Variants in MYO5C observed in about 807,000 individuals in gnomAD.
MYO5C encodes the protein myosin VC.
In MYO5C, 194 loss-of-function variants were observed where a neutral mutation model predicts 235.7. The ratio of observed to expected loss-of-function variants is 0.82; its 90% CI spans 0.73 to 0.93. MYO5C has a LOEUF of 0.93. Among genes scored for constraint, MYO5C ranks in the 40% least tolerant of loss-of-function variants. The probability of loss-of-function intolerance (pLI) is 0.00; values close to 1 mark genes in which losing one functional copy is unlikely to be tolerated. For synonymous variants in MYO5C, 707 were observed against 754.8 expected, an observed-to-expected ratio of 0.94 and a Z score of 1.04; for missense variants, 2,038 against 2,127.2, an observed-to-expected ratio of 0.96 and a Z score of 0.82.
At chr15:52,231,016 C>G (rs1476974664) in intron 24 of MYO5C, among the ~76,000 whole-genome samples, 1 of 149,364 alleles carries the variant, frequency 6.7e-6, no homozygotes, top group African/African-American at 2.5e-5. Context: ...TTAGTAGATA[C>G]GGGGTTTCAC....
At chr15:52,255,825 C>T (rs1343331745) in intron 11 of MYO5C, among the ~76,000 whole-genome samples, 1 of 151,878 alleles carries the variant, frequency 6.6e-6, no homozygotes, top group Non-Finnish European at 1.5e-5. Context: ...TAACTTGGTA[C>T]CTGGTATACA....
chr15:52,245,545 A>G (rs1208137744), intron 17 of MYO5C, 80 bp from the exon 18 acceptor site: 5 of 968,904 alleles, frequency 5.2e-6, no homozygotes, highest in Non-Finnish European at 8.4e-6. Flanking sequence ...CTTACCTGCC[A>G]CTGTTGTCAT....
intron 11 of MYO5C, 38 bp downstream of exon 11, chr15:52,256,600 CG>C (rs758374341): frequency 1.5e-5 from 23 of 1,517,176 alleles, no homozygotes; most frequent in Admixed American, 5.8e-5. Flanking sequence ...CGCGCGCGCG[CG>C]GCTGAGAACT....
rs1367487428 is a variant in MYO5C, at chr15:52,245,473, A to G, written c.2067-8T>C. 1 of 1,577,358 alleles carries G rather than the reference A, an allele frequency of 6.3e-7. No homozygotes were observed. The highest frequency in any genetic ancestry group is 1.3e-5 in the African/African-American group (1 of 74,268). Reference sequence around the variant, plus strand: ...AACTCGATGTATGTCCACCTGGAAAATCAAAGGGGATCAAAGCCAGGAGTG... The same window carrying G: ...AACTCGATGTATGTCCACCTGGAAAGTCAAAGGGGATCAAAGCCAGGAGTG... On this transcript the variant is annotated splice_polypyrimidine_tract_variant and splice_region_variant and intron_variant, in intron 17 of 40. Coordinates refer to ENST00000261839, the MANE Select transcript of MYO5C (RefSeq NM_018728.4).
intron 11 of MYO5C, among the ~76,000 whole-genome samples, chr15:52,254,401 G>GGCGT (rs2036538832): frequency 6.6e-6 from 1 of 152,162 alleles, no homozygotes; most frequent in African/African-American, 2.4e-5. Context: ...TGGGGTCCAT[G>GGCGT]GCGTGACTTG....
At chr15:52,232,358 G>GAAA (rs2035984262) in intron 24 of MYO5C, among the ~76,000 whole-genome samples, 2 of 135,754 alleles carry the variant, frequency 1.5e-5, no homozygotes, top group East Asian at 3.0e-4. Flanking sequence ...AAGAAAGAAA[G>GAAA]GAAAAGAAAA....
chr15:52,213,566 A>G (rs2035495825), intron 33 of MYO5C: 1 of 245,374 alleles, frequency 4.1e-6, no homozygotes, highest in African/African-American at 2.2e-5. Flanking sequence ...GGTAACAGGA[A>G]AGAAATCCAA....
In MYO5C at chr15:52,224,909, T is replaced by C. The variant is rs374945496; in HGVS notation, c.3438A>G (p.Lys1146=). The C allele has an allele frequency of 6.2e-6, 10 of 1,612,752 alleles. No homozygotes were observed. The African/African-American group carries it at 1.2e-4, about 19-fold the overall frequency. Residue 1146 remains lysine, a synonymous_variant, in exon 28 of 41, where the codon AAA becomes AAG. Coordinates refer to ENST00000261839, the MANE Select transcript of MYO5C (RefSeq NM_018728.4). ...ELWFAYEGLK[K]ATRVLESHFQ... is the part of the protein sequence containing the mutation. Reference sequence around the variant, plus strand: ...TGAGGAGAATTTCTAACCGTGTTGCTTTCTTTAGTCCTTCATAAGCAAACC... The same window carrying C: ...TGAGGAGAATTTCTAACCGTGTTGCCTTCTTTAGTCCTTCATAAGCAAACC...
intron 36 of MYO5C, 116 bp from the exon 37 acceptor site, chr15:52,206,082 T>C: frequency 1.6e-6 from 1 of 643,430 alleles, no homozygotes. Flanking sequence ...ATCAAATGAG[T>C]TCATGATGCT....
At chr15:52,256,748 T>C (rs1467836567) in intron 10 of MYO5C, 28 bp from the exon 11 acceptor site, 2 of 1,552,240 alleles carry the variant, frequency 1.3e-6, no homozygotes, top group Non-Finnish European at 1.8e-6. Flanking sequence ...CAAGTTAAAA[T>C]ATAACCTGAA....
At chr15:52,292,961 G>T (rs2037423755) in intron 1 of MYO5C, among the ~76,000 whole-genome samples, 1 of 152,258 alleles carries the variant, frequency 6.6e-6, no homozygotes, top group Non-Finnish European at 1.5e-5. Flanking sequence ...GAGCAGGAAG[G>T]CAGGGAGAGA....
At chr15:52,232,135 AAAGGAGAGG>A (rs2035964870) in intron 24 of MYO5C, among the ~76,000 whole-genome samples, 1 of 106,844 alleles carries the variant, frequency 9.4e-6, no homozygotes, top group Non-Finnish European at 2.3e-5. Context: ...AAAAGAAAGA[AAAGGAGAGG>A]AAGGAAAGGA....
chr15:52,261,794 A>T (rs1279865634), intron 9 of MYO5C, among the ~76,000 whole-genome samples: 1 of 152,354 alleles, frequency 6.6e-6, no homozygotes, highest in East Asian at 1.9e-4. Context: ...GCCAGTGTGG[A>T]CAAAGGGCTC....
chr15:52,231,245 C>T (rs2035945301), intron 24 of MYO5C, among the ~76,000 whole-genome samples: 1 of 152,182 alleles, frequency 6.6e-6, no homozygotes, highest in African/African-American at 2.4e-5. Context: ...AGGAATTCCC[C>T]CCTTGGCTGA....
intron 1 of MYO5C, among the ~76,000 whole-genome samples, chr15:52,293,211 C>A (rs978764753): frequency 3.3e-5 from 5 of 152,190 alleles, no homozygotes; most frequent in African/African-American, 1.2e-4. Context: ...CTTCCCTGTT[C>A]CCACAGGGTG....
chr15:52,278,887 G>A lies in MYO5C; in HGVS notation c.435C>T (p.Tyr145=). The change falls in exon 4 of 41, where the codon TAC becomes TAT. Residue 145 remains tyrosine, a synonymous_variant. Coordinates refer to ENST00000261839, the MANE Select transcript of MYO5C (RefSeq NM_018728.4). The part of the protein sequence containing the change: ...PHIFAVAEEA[Y]KQMARNNRNQ... ...CAGGAAGCTACCTGGCCATCTGCTT[G>A]TATGCCTCTTCTGCCACGGCAAATA... The A allele has an allele frequency of 6.2e-7, 1 of 1,614,078 alleles. No individual in the cohort carries two copies. Among genetic ancestry groups the A allele is most frequent in the Non-Finnish European group, 8.5e-7 (1 of 1,179,990 alleles).
At chr15:52,246,625 T>C (rs1408384667) in intron 16 of MYO5C, among the ~76,000 whole-genome samples, 3 of 152,202 alleles carry the variant, frequency 2.0e-5, no homozygotes, top group African/African-American at 7.2e-5. Flanking sequence ...TCTATGACCT[T>C]CTACAAACAC....
Position 52,246,960 on chromosome 15 carries a change from A to G in MYO5C, c.1936T>C (p.Tyr646His). 6.2e-7 allele frequency: 1 copy of G among 1,614,122 alleles called. No homozygotes were observed. The highest frequency in any genetic ancestry group is 8.5e-7 in the Non-Finnish European group (1 of 1,180,004). Residue 646 changes from tyrosine to histidine, a missense_variant, in exon 16 of 41, where the codon TAC (tyrosine) becomes CAC (histidine). Transcript: ENST00000261839. ...TCATTTGGCTTGATGCATCGAACGT[A>G]GTGGGGCGTCGTCGCATTGAGGGTC... is the stretch of plus-strand genomic sequence containing the variant. ...METLNATTPH[Y>H]VRCIKPNDEK...
intron 1 of MYO5C, among the ~76,000 whole-genome samples, chr15:52,291,812 C>T (rs550783137): frequency 4.5e-4 from 57 of 128,082 alleles, no homozygotes; most frequent in African/African-American, 1.5e-3. Context: ...GATCTCGGCT[C>T]ACTGCAAGCT....
Sources: allele counts gnomAD v4.1 joint callset (sites outside exome capture counted in the v4.1 genomes callset), GRCh38; gene constraint gnomAD v4.1.1; transcripts MANE v1.5; gene names NCBI Gene and HGNC (gene_info 2026-07-23, HGNC 2026-07-21).